Variants in TEAD1 observed in about 807,000 individuals in gnomAD.
TEAD1 encodes the protein TEA domain transcription factor 1, also known as transcriptional enhancer factor TEF-1.
Under a neutral mutation model 54.9 loss-of-function variants are expected in TEAD1, and 9 were observed. The observed-to-expected ratio is 0.16, with a 90% CI of 0.10 to 0.29. The LOEUF is 0.29. TEAD1 is among the 10% of genes least tolerant of loss of function. The probability of loss-of-function intolerance (pLI) is 1.00; values close to 1 mark genes in which losing one functional copy is unlikely to be tolerated. For synonymous variants in TEAD1, 200 were observed against 187.8 expected, an observed-to-expected ratio of 1.07 and a Z score of -0.53; for missense variants, 387 against 535.9, an observed-to-expected ratio of 0.72 and a Z score of 2.74.
intron 3 of TEAD1, among the ~76,000 whole-genome samples, chr11:12,779,111 T>C: frequency 6.6e-6 from 1 of 151,964 alleles, no homozygotes; most frequent in Non-Finnish European, 1.5e-5. Context: ...GTGGTAGGGG[T>C]GTGTGTGTGT....
At chr11:12,886,392 T>C (rs567963311) in intron 9 of TEAD1, among the ~76,000 whole-genome samples, 6 of 152,346 alleles carry the variant, frequency 3.9e-5, no homozygotes, top group Non-Finnish European at 1.5e-5. Context: ...GTAACATCCT[T>C]GGGACCTTTG....
chr11:12,713,442 C>A (rs1943985052), intron 2 of TEAD1, among the ~76,000 whole-genome samples: 1 of 152,166 alleles, frequency 6.6e-6, no homozygotes, highest in African/African-American at 2.4e-5. Flanking sequence ...GTCTAAAATG[C>A]AAATCTATTC....
intron 3 of TEAD1, among the ~76,000 whole-genome samples, chr11:12,772,774 C>T (rs1268858944): frequency 6.6e-6 from 1 of 152,146 alleles, no homozygotes; most frequent in East Asian, 1.9e-4. Context: ...GGCATCCACA[C>T]AACCCAGTGA....
chr11:12,782,054 G>A (rs1945565101), intron 3 of TEAD1, among the ~76,000 whole-genome samples: 1 of 152,046 alleles, frequency 6.6e-6, no homozygotes, highest in Admixed American at 6.5e-5. Context: ...GCTGGCTGAG[G>A]TGGGAGGATC....
At chr11:12,820,971 G>A (rs1390288532) in intron 3 of TEAD1, among the ~76,000 whole-genome samples, 2 of 152,198 alleles carry the variant, frequency 1.3e-5, no homozygotes, top group African/African-American at 4.8e-5. Flanking sequence ...GGCAAGGGAA[G>A]TGTTTGCAGC....
chr11:12,825,160 A>G (rs1197365696), intron 3 of TEAD1, among the ~76,000 whole-genome samples: 1 of 152,176 alleles, frequency 6.6e-6, no homozygotes, highest in African/African-American at 2.4e-5. Flanking sequence ...CATGCACTTT[A>G]TTAATGTGGC....
intron 3 of TEAD1, among the ~76,000 whole-genome samples, chr11:12,822,869 A>T (rs187900842): frequency 6.6e-6 from 1 of 152,230 alleles, no homozygotes; most frequent in Non-Finnish European, 1.5e-5. Flanking sequence ...TTCACAGCTT[A>T]TCAGGGTAAT....
intron 2 of TEAD1, among the ~76,000 whole-genome samples, chr11:12,756,724 G>C (rs556345861): frequency 5.3e-5 from 8 of 152,276 alleles, no homozygotes; most frequent in African/African-American, 1.9e-4. Flanking sequence ...ATTCTGTTTG[G>C]AAAATGACTC....
At chr11:12,828,377 T>C (rs1273999569) in intron 3 of TEAD1, 1 of 152,232 alleles carries the variant, frequency 6.6e-6, no homozygotes, top group African/African-American at 2.4e-5. Flanking sequence ...TTATAGCTTA[T>C]GCAGCAGACA....
intron 2 of TEAD1, among the ~76,000 whole-genome samples, chr11:12,710,447 G>A (rs1943912163): frequency 6.6e-6 from 1 of 152,186 alleles, no homozygotes; most frequent in Admixed American, 6.6e-5. Flanking sequence ...CTGTTATTCA[G>A]AGTTCACAGT....
At chr11:12,891,682 A>G (rs1168064061) in intron 9 of TEAD1, among the ~76,000 whole-genome samples, 1 of 152,232 alleles carries the variant, frequency 6.6e-6, no homozygotes, top group Admixed American at 6.5e-5. Flanking sequence ...CAGAGAGTTT[A>G]AGTAACTTCA....
In TEAD1 at chr11:12,883,041, C is replaced by G. The variant is rs774352850; in HGVS notation, c.615C>G (p.Ala205=). 29 of 1,614,066 alleles carry G rather than the reference C, an allele frequency of 1.8e-5. No homozygotes were observed. The highest frequency in any genetic ancestry group is 1.2e-4 in the African/African-American group (9 of 74,916). The change falls in exon 9 of 13, where the codon GCC becomes GCG. Residue 205 remains alanine (A), a synonymous_variant. Coordinates refer to ENST00000527636, the MANE Select transcript of TEAD1 (RefSeq NM_021961.6). Reference sequence around the variant, plus strand: ...CGGCCCCAGCTCCCTCAGTCCCTGCCTGGCAAGGTCGCTCCATTGGCACAA... The same window carrying G: ...CGGCCCCAGCTCCCTCAGTCCCTGCGTGGCAAGGTCGCTCCATTGGCACAA...
intron 9 of TEAD1, among the ~76,000 whole-genome samples, chr11:12,897,036 G>C (rs779838908): frequency 1.3e-4 from 20 of 152,220 alleles, no homozygotes; most frequent in Non-Finnish European, 2.1e-4. Flanking sequence ...CTCCGTTTTG[G>C]ATATTGAGGA....
At chr11:12,759,085 A>G (rs550647477) in intron 2 of TEAD1, among the ~76,000 whole-genome samples, 1 of 152,136 alleles carries the variant, frequency 6.6e-6, no homozygotes, top group Admixed American at 6.5e-5. Flanking sequence ...ATGGCATTTC[A>G]TTAATTATGA....
intron 2 of TEAD1, among the ~76,000 whole-genome samples, chr11:12,712,848 G>A (rs1282790816): frequency 6.6e-6 from 1 of 152,130 alleles, no homozygotes; most frequent in African/African-American, 2.4e-5. Flanking sequence ...GACTTCATTA[G>A]GGATAAGTGA....
chr11:12,802,395 A>G (rs1308431107), intron 3 of TEAD1, among the ~76,000 whole-genome samples: 5 of 152,150 alleles, frequency 3.3e-5, no homozygotes, highest in African/African-American at 1.2e-4. Context: ...AACCCGAGGA[A>G]GTTGAATCCT....
rs1177601335 is a variant in TEAD1 at position 12,944,445 on chromosome 11, G to C, written c.*7223G>C. The C allele has an allele frequency of 6.6e-6, 1 of 151,634 alleles. No individual in the cohort carries two copies. Among genetic ancestry groups the C allele is most frequent in the African/African-American group, 2.4e-5 (1 of 41,002 alleles). 9.4% of individuals were successfully genotyped at this position (151,634 alleles called of 1,614,324 possible). The stretch of plus-strand genomic sequence containing the variant: ...GTATGATAGTTATATGAAAATTATA[G>C]GATTTGTGTGCAGAGAATTTTTTTA... On this transcript the variant is annotated 3_prime_UTR_variant, in exon 13 of 13. Transcript: ENST00000527636.
At chr11:12,788,687 G>T (rs1945734162) in intron 3 of TEAD1, among the ~76,000 whole-genome samples, 1 of 152,170 alleles carries the variant, frequency 6.6e-6, no homozygotes, top group Non-Finnish European at 1.5e-5. Context: ...TTTTTAAAGG[G>T]ACTGTCTTGT....
intron 2 of TEAD1, among the ~76,000 whole-genome samples, chr11:12,677,728 TA>T (rs1290585118): frequency 6.6e-6 from 1 of 152,220 alleles, no homozygotes; most frequent in Non-Finnish European, 1.5e-5. Context: ...TTAAAGCATG[TA>T]GATCCCAAAT....
Sources: gnomAD v4.1 joint callset for allele counts (sites outside exome capture counted in the v4.1 genomes callset) on GRCh38, gnomAD v4.1.1 for gene constraint, MANE v1.5 for transcripts, NCBI Gene and HGNC (gene_info 2026-07-23, HGNC 2026-07-21) for gene names.